Variants in PACRG observed in about 807,000 individuals in gnomAD.
PACRG encodes the protein parkin coregulated, also known as parkin coregulated gene protein.
PACRG carries 29 observed loss-of-function variants against 29.7 expected under a neutral mutation model. The observed-to-expected ratio is 0.98, with a 90% CI of 0.73 to 1.33. The LOEUF (loss-of-function observed/expected upper bound fraction) is 1.33. Among genes scored for constraint, PACRG ranks in the 40% most tolerant of loss-of-function variants. PACRG has a pLI of 0.00. For missense variants in PACRG, 279 were observed against 316.2 expected (o/e 0.88, Z 0.89); for synonymous variants, 116 against 118.7 (o/e 0.98, Z 0.15).
At chr6:163,044,281 C>T (rs1172930945) in intron 2 of PACRG, among the ~76,000 whole-genome samples, 3 of 152,052 alleles carry the variant, frequency 2.0e-5, no homozygotes, top group East Asian at 3.9e-4. Flanking sequence ...GATCCTCCCA[C>T]CTCAGCCTCC....
intron 2 of PACRG, among the ~76,000 whole-genome samples, chr6:162,864,177 T>G (rs1420927674): frequency 2.0e-5 from 3 of 152,214 alleles, no homozygotes; most frequent in Non-Finnish European, 2.9e-5. Flanking sequence ...CTGTTGACAT[T>G]TGATTAAGGC....
chr6:162,781,836 C>T (rs1210155737), intron 1 of PACRG, among the ~76,000 whole-genome samples: 1 of 148,806 alleles, frequency 6.7e-6, no homozygotes, highest in Non-Finnish European at 1.5e-5. Context: ...CAAAGGAAGG[C>T]AAGAAAAGGA....
intron 2 of PACRG, among the ~76,000 whole-genome samples, chr6:162,851,273 G>A (rs1398634096): frequency 6.6e-6 from 1 of 152,084 alleles, no homozygotes; most frequent in Non-Finnish European, 1.5e-5. Context: ...CCTCCCTTCT[G>A]CACCCTGGCC....
At chr6:162,800,316 T>G (rs1360983699) in intron 1 of PACRG, among the ~76,000 whole-genome samples, 2 of 152,208 alleles carry the variant, frequency 1.3e-5, no homozygotes, top group Non-Finnish European at 2.9e-5. Context: ...TCTCCTACAA[T>G]GGAGAATTTT....
intron 4 of PACRG, among the ~76,000 whole-genome samples, chr6:163,201,350 G>A (rs1054906620): frequency 7.2e-5 from 11 of 152,146 alleles, no homozygotes; most frequent in African/African-American, 2.2e-4. Context: ...TGGATTTTTC[G>A]TAATCCTGCT....
intron 4 of PACRG, among the ~76,000 whole-genome samples, chr6:163,196,932 T>TA (rs1315309016): frequency 5.1e-5 from 6 of 118,790 alleles, no homozygotes; most frequent in Non-Finnish European, 8.2e-5. Context: ...GACAGATAGA[T>TA]AGATAGATAG....
intron 4 of PACRG, among the ~76,000 whole-genome samples, chr6:163,163,174 G>A (rs1231367601): frequency 6.6e-6 from 1 of 152,186 alleles, no homozygotes; most frequent in Non-Finnish European, 1.5e-5. Flanking sequence ...GATGTGGCTG[G>A]CAGCTCCCAC....
intron 3 of PACRG, among the ~76,000 whole-genome samples, chr6:163,077,968 T>C (rs1812699701): frequency 6.6e-6 from 1 of 152,150 alleles, no homozygotes; most frequent in African/African-American, 2.4e-5. Context: ...AGGCACAGCA[T>C]GTTTAAAGAG....
intron 1 of PACRG, among the ~76,000 whole-genome samples, chr6:162,735,242 C>T (rs1281550902): frequency 1.3e-5 from 2 of 152,074 alleles, no homozygotes; most frequent in Non-Finnish European, 2.9e-5. Flanking sequence ...CTACGCATGA[C>T]CAAGGACATA....
chr6:163,309,215 G>T (rs974396775), intron 4 of PACRG, among the ~76,000 whole-genome samples: 1 of 152,214 alleles, frequency 6.6e-6, no homozygotes, highest in East Asian at 1.9e-4. Context: ...GGCAGCAAAT[G>T]CTCCACATGC....
At chr6:162,906,080 G>A (rs1302432703) in intron 2 of PACRG, among the ~76,000 whole-genome samples, 2 of 152,054 alleles carry the variant, frequency 1.3e-5, no homozygotes, top group African/African-American at 2.4e-5. Context: ...TTCCAACTGC[G>A]GCAAGGTTTT....
chr6:163,079,580 T>C (rs1258578862), intron 3 of PACRG, among the ~76,000 whole-genome samples: 2 of 152,180 alleles, frequency 1.3e-5, no homozygotes, highest in African/African-American at 4.8e-5. Context: ...CTGGCCTTAT[T>C]CCAGAGAGCT....
intron 4 of PACRG, among the ~76,000 whole-genome samples, chr6:163,146,474 T>G (rs1325397391): frequency 6.6e-6 from 1 of 152,250 alleles, no homozygotes; most frequent in Non-Finnish European, 1.5e-5. Context: ...TTTATCAAGC[T>G]AAGAAACTTG....
intron 2 of PACRG, among the ~76,000 whole-genome samples, chr6:162,880,579 T>C (rs2292576): frequency 6.6e-6 from 1 of 151,978 alleles, no homozygotes; most frequent in South Asian, 2.1e-4. Context: ...TAGAAAAATA[T>C]AACGCTTCAT....
At chr6:162,953,305 A>T (rs1799792201) in intron 2 of PACRG, among the ~76,000 whole-genome samples, 1 of 152,202 alleles carries the variant, frequency 6.6e-6, no homozygotes, top group Admixed American at 6.5e-5. Flanking sequence ...AATTTTTATT[A>T]AGCTTTAACT....
intron 1 of PACRG, among the ~76,000 whole-genome samples, chr6:162,730,313 A>G (rs1180305151): frequency 6.6e-6 from 1 of 152,170 alleles, no homozygotes; most frequent in Non-Finnish European, 1.5e-5. Context: ...ACTTCTCAGC[A>G]TTATAAGGTG....
intron 4 of PACRG, among the ~76,000 whole-genome samples, chr6:163,123,061 C>A (rs1022179107): frequency 1.3e-5 from 2 of 152,170 alleles, no homozygotes; most frequent in Non-Finnish European, 2.9e-5. Context: ...GAAAACAGCT[C>A]CCCGGTACAG....
At chr6:163,256,574 A>G (rs1783115743) in intron 4 of PACRG, among the ~76,000 whole-genome samples, 2 of 152,340 alleles carry the variant, frequency 1.3e-5, no homozygotes, top group South Asian at 2.1e-4. Flanking sequence ...ACCCCCAGGG[A>G]TGATGGATCC....
At chr6:162,795,649 C>A (rs983556732) in intron 1 of PACRG, among the ~76,000 whole-genome samples, 5 of 151,820 alleles carry the variant, frequency 3.3e-5, no homozygotes, top group African/African-American at 1.2e-4. Context: ...ATTTTTATTG[C>A]GATAGTATTA....
Sources: gnomAD v4.1 joint callset for allele counts (sites outside exome capture counted in the v4.1 genomes callset) on GRCh38, gnomAD v4.1.1 for gene constraint, MANE v1.5 for transcripts, NCBI Gene and HGNC (gene_info 2026-07-23, HGNC 2026-07-21) for gene names.